SCP2: variants seen among roughly 807,000 people sequenced by gnomAD.
The protein encoded by SCP2 is SCP-2/3-oxoacyl-CoA thiolase.
SCP2 carries 48 observed loss-of-function variants against 71.4 expected under a neutral mutation model. The ratio of observed to expected loss-of-function variants is 0.67; its 90% CI spans 0.53 to 0.86. SCP2 has a LOEUF of 0.86. SCP2 is among the 40% of genes least tolerant of loss of function. SCP2 has a pLI of 0.00. For missense variants in SCP2, 560 were observed against 655.6 expected (o/e 0.85, Z 1.59); for synonymous variants, 220 against 218.1 (o/e 1.01, Z -0.08).
intron 4 of SCP2, among the ~76,000 whole-genome samples, chr1:52,951,466 G>A (rs756831562): frequency 1.3e-5 from 2 of 150,122 alleles, no homozygotes; most frequent in Middle Eastern, 3.3e-3. Flanking sequence ...AGCCAGGCGT[G>A]GTGGTCCCAG....
At position 52,976,723 on chromosome 1, in the gene SCP2, A is replaced by G. The variant is rs1658003213; in HGVS notation, c.628A>G (p.Met210Val). 1.9e-6 allele frequency: 3 copies of G among 1,567,330 alleles called. No homozygotes were observed. Among genetic ancestry groups the G allele is most frequent in the Admixed American group, 1.7e-5 (1 of 59,924 alleles). Residue 210 changes from methionine (M) to valine (V), a missense_variant, in exon 8 of 16, where the codon ATG becomes GTG. Transcript: ENST00000371514. ...AGATGAATACAGTTTAGATGAAGTGATGGCATCTAAAGAAGTTTTTGATTT... is the reference window on the plus strand; with the variant it reads ...AGATGAATACAGTTTAGATGAAGTGGTGGCATCTAAAGAAGTTTTTGATTT... ...FQDEYSLDEVMASKEVFDFLT... is the reference protein window; with the variant it reads ...FQDEYSLDEVVASKEVFDFLT...
At position 53,028,008 on chromosome 1, in the gene SCP2, C is replaced by T; in HGVS notation, c.1275C>T (p.Ser425=). The T allele has an allele frequency of 3.7e-6, 6 of 1,611,972 alleles. No individual in the cohort carries two copies. The highest frequency in any genetic ancestry group is 5.1e-6 in the Non-Finnish European group (6 of 1,178,180). Residue 425 remains serine (S), a synonymous_variant, in exon 13 of 16, where the codon AGC becomes AGT. Coordinates refer to ENST00000371514, the MANE Select transcript of SCP2 (RefSeq NM_002979.5). The part of the protein sequence containing the change: ...RTHQIEAVPT[S]SASDGFKANL... ...ATCAAATTGAAGCTGTTCCAACCAG[C>T]TCTGCAAGTGATGGATTTAAGGCAA...
At chr1:52,969,506 TTTTG>T (rs949070242) in intron 6 of SCP2, among the ~76,000 whole-genome samples, 27 of 150,592 alleles carry the variant, frequency 1.8e-4, no homozygotes, top group African/African-American at 4.7e-4. Flanking sequence ...GTGACCCTGT[TTTTG>T]TTTGTTTGTT....
At chr1:53,020,279 A>G (rs1489896345) in intron 12 of SCP2, among the ~76,000 whole-genome samples, 1 of 152,148 alleles carries the variant, frequency 6.6e-6, no homozygotes, top group Non-Finnish European at 1.5e-5. Context: ...CCTTTTCCTT[A>G]TTTAGAAAAT....
At chr1:53,006,659 C>T (rs571947253) in intron 11 of SCP2, among the ~76,000 whole-genome samples, 1 of 152,298 alleles carries the variant, frequency 6.6e-6, no homozygotes, top group African/African-American at 2.4e-5. Flanking sequence ...CAACTGGTAC[C>T]AGCCACTGAA....
chr1:52,951,642 C>T (rs1379729825), intron 4 of SCP2, among the ~76,000 whole-genome samples: 2 of 150,390 alleles, frequency 1.3e-5, no homozygotes, highest in African/African-American at 2.4e-5. Flanking sequence ...CCATAAAACT[C>T]ACCTTTTTAA....
At chr1:52,977,221 A>G (rs1249255695) in intron 8 of SCP2, among the ~76,000 whole-genome samples, 1 of 152,062 alleles carries the variant, frequency 6.6e-6, no homozygotes, top group African/African-American at 2.4e-5. Flanking sequence ...TCTGTCTCCT[A>G]GAAAATTGAG....
At chr1:53,045,810 C>T (rs933706232) in intron 14 of SCP2, among the ~76,000 whole-genome samples, 35 of 152,182 alleles carry the variant, frequency 2.3e-4, no homozygotes, top group African/African-American at 8.2e-4. Context: ...AATCAAGATA[C>T]AGACAGTTTC....
At chr1:53,013,106 C>CTTTT (rs754111443) in intron 11 of SCP2, among the ~76,000 whole-genome samples, 21 of 104,628 alleles carry the variant, frequency 2.0e-4, no homozygotes, top group East Asian at 6.7e-4. Flanking sequence ...GTGGAGCTAC[C>CTTTT]TTTTTTTTTT....
Position 53,013,709 on chromosome 1 carries a change from A to G in SCP2, c.1082-1181A>G, listed in dbSNP as rs146466671. 2.5e-3 allele frequency among the ~76,000 whole-genome samples: 376 copies of G among 152,140 alleles called. 1 individual carries two copies. The highest frequency in any genetic ancestry group is 0.017 in the Middle Eastern group (5 of 294). On this transcript the variant is annotated intron_variant, in intron 11 of 15. Coordinates refer to ENST00000371514, the MANE Select transcript of SCP2 (RefSeq NM_002979.5). ...TTTAAGATACATGGTCTGTAAATAT[A>G]TAGACACTGCTTAGAAATGAAAAGC... is the stretch of plus-strand genomic sequence containing the variant.
rs144030331 is a variant in SCP2 at position 53,001,477 on chromosome 1, A to G, written c.1081+13341A>G. 6.6e-3 allele frequency among the ~76,000 whole-genome samples: 999 copies of G among 152,306 alleles called. 9 individuals are homozygous for G. Among genetic ancestry groups the G allele is most frequent in the African/African-American group, 0.023 (943 of 41,556 alleles). On this transcript the variant is annotated intron_variant, in intron 11 of 15. Transcript: ENST00000371514. ...CAAACTCTACCTTTGTTATTTTCTCAATAATAATACACTGTTCTAAGTATA... is the reference window on the plus strand; with the variant it reads ...CAAACTCTACCTTTGTTATTTTCTCGATAATAATACACTGTTCTAAGTATA...
chr1:52,930,238 C>A (rs1214040014), intron 1 of SCP2, among the ~76,000 whole-genome samples: 2 of 151,894 alleles, frequency 1.3e-5, no homozygotes, highest in East Asian at 3.9e-4. Flanking sequence ...ACATACAAAA[C>A]TTATTTGTAA....
chr1:52,933,759 C>T (rs986873365), intron 1 of SCP2, among the ~76,000 whole-genome samples: 2 of 152,112 alleles, frequency 1.3e-5, no homozygotes, highest in African/African-American at 4.8e-5. Context: ...TTGTGGAGTC[C>T]TTGGGGTAGT....
rs1661500701 is a variant in SCP2 at position 53,018,561 on chromosome 1, G to GA, written c.1235+3518_1235+3519insA. ...GTTTGAGACCAGCCTGGACAACATG[G>GA]CGAAACCCCCTCTCTACTAAAAATC... On this transcript the variant is annotated intron_variant, in intron 12 of 15. Transcript: ENST00000371514. Among the ~76,000 whole-genome samples the GA allele has an allele frequency of 2.0e-5, 3 of 152,056 alleles. No individual in the cohort carries two copies. The South Asian group carries it at 6.2e-4, about 32-fold the overall frequency.
rs754111443 is a variant in SCP2, at chr1:53,013,106, CTTTTTTTTTT to C, written c.1082-1770_1082-1761del. 6.0e-3 allele frequency among the ~76,000 whole-genome samples: 631 copies of C among 104,644 alleles called. 5 individuals carry two copies. Among genetic ancestry groups the C allele is most frequent in the African/African-American group, 0.024 (604 of 25,492 alleles). The allele number at this position is 104,644 out of a possible 152,430, so 68.7% of individuals were successfully genotyped here. A position where few individuals can be genotyped will look rare whatever the true frequency, so the allele number is the denominator to read the frequency against. On this transcript the variant is annotated intron_variant, in intron 11 of 15. Coordinates refer to ENST00000371514, the MANE Select transcript of SCP2 (RefSeq NM_002979.5). ...AAGTTATTACCAGTTGTGGAGCTAC[CTTTTTTTTTT>C]TTTTTTTTTTTTTGAGACAGGGTCT...
At chr1:53,027,600 G>A (rs1407543219) in intron 12 of SCP2, among the ~76,000 whole-genome samples, 1 of 152,108 alleles carries the variant, frequency 6.6e-6, no homozygotes, top group African/African-American at 2.4e-5. Context: ...CGCCTCCTAG[G>A]TTCAAGCGAT....
intron 12 of SCP2, among the ~76,000 whole-genome samples, chr1:53,016,158 C>T (rs953158889): frequency 6.6e-6 from 1 of 152,128 alleles, no homozygotes; most frequent in Non-Finnish European, 1.5e-5. Context: ...CTTCTGTAAG[C>T]TCTTGGATCT....
chr1:53,039,479 C>T (rs1259447728), intron 14 of SCP2, among the ~76,000 whole-genome samples: 1 of 152,222 alleles, frequency 6.6e-6, no homozygotes, highest in Non-Finnish European at 1.5e-5. Context: ...CCTGTCCATA[C>T]TCACAATCGC....
chr1:53,001,741 C>T (rs1180599457), intron 11 of SCP2, among the ~76,000 whole-genome samples: 1 of 152,180 alleles, frequency 6.6e-6, no homozygotes, highest in African/African-American at 2.4e-5. Flanking sequence ...AAATGCTATC[C>T]ACCTTATGAA....
Sources: allele counts gnomAD v4.1 joint callset (sites outside exome capture counted in the v4.1 genomes callset), GRCh38; gene constraint gnomAD v4.1.1; transcripts MANE v1.5; gene names NCBI Gene and HGNC (gene_info 2026-07-23, HGNC 2026-07-21).